FAM81A: variants seen among roughly 807,000 people sequenced by gnomAD.
The protein encoded by FAM81A is protein FAM81A.
FAM81A carries 19 observed loss-of-function variants against 46.7 expected under a neutral mutation model. That is an observed-to-expected ratio of 0.41 (90% confidence interval 0.28 to 0.60). FAM81A has a LOEUF of 0.60. Among genes scored for constraint, FAM81A ranks in the 20% least tolerant of loss-of-function variants. The pLI is 0.34. For synonymous variants in FAM81A, 183 were observed against 152.9 expected (o/e 1.20, Z -1.45); for missense variants, 377 against 453.5 (o/e 0.83, Z 1.53).
At chr15:59,450,043 C>T (rs542109540) in intron 1 of FAM81A, among the ~76,000 whole-genome samples, 2 of 150,640 alleles carry the variant, frequency 1.3e-5, no homozygotes, top group South Asian at 4.2e-4. Context: ...CCACCTCAGC[C>T]TCCTTGGTAG....
intron 5 of FAM81A, 107 bp downstream of exon 5, chr15:59,507,449 A>G (rs1226796598): frequency 3.6e-6 from 5 of 1,391,632 alleles, no homozygotes; most frequent in Non-Finnish European, 4.9e-6. Context: ...GGCATCTAGC[A>G]TGGGTTTATG....
intron 8 of FAM81A, among the ~76,000 whole-genome samples, chr15:59,519,507 T>C (rs1476253353): frequency 1.4e-5 from 2 of 142,386 alleles, no homozygotes; most frequent in Admixed American, 1.4e-4. Flanking sequence ...TCCTTCTCTC[T>C]TTCTCTCTTT....
chr15:59,507,255 G>A lies in FAM81A; in HGVS notation c.456G>A (p.Thr152=), dbSNP rs754609396. The A allele has an allele frequency of 6.8e-6, 11 of 1,611,578 alleles. No individual in the cohort carries two copies. Among genetic ancestry groups the A allele is most frequent in the Middle Eastern group, 1.6e-4 (1 of 6,082 alleles). ...CTAGACTTTCTGCAGAGCACAAAAC[G>A]ACCTATGAGGGGCTCCAGCACTTGA... ...SIARLSAEHK[T]TYEGLQHLNK... The change falls in exon 5 of 9, where the codon ACG becomes ACA. Residue 152 remains threonine, a synonymous_variant. Coordinates refer to ENST00000288228, the MANE Select transcript of FAM81A (RefSeq NM_152450.3).
At chr15:59,507,138 C>T in intron 4 of FAM81A, 75 bp from the exon 5 acceptor site, 1 of 1,509,216 alleles carries the variant, frequency 6.6e-7, no homozygotes, top group Non-Finnish European at 8.9e-7. Context: ...TTTTGCATTT[C>T]AGAGTGTATA....
chr15:59,453,089 T>G (rs1404054777), intron 1 of FAM81A, among the ~76,000 whole-genome samples: 1 of 152,156 alleles, frequency 6.6e-6, no homozygotes, highest in African/African-American at 2.4e-5. Context: ...AAAATAGATA[T>G]GTATTCTATC....
intron 1 of FAM81A, among the ~76,000 whole-genome samples, chr15:59,448,685 A>G (rs1474074659): frequency 6.6e-6 from 1 of 151,948 alleles, no homozygotes; most frequent in Non-Finnish European, 1.5e-5. Flanking sequence ...TTTTTTAGAG[A>G]CAAGATCTAG....
At chr15:59,433,333 C>A (rs1201840013), upstream of FAM81A, among the ~76,000 whole-genome samples, 1 of 151,648 alleles carries the variant, frequency 6.6e-6, no homozygotes, top group African/African-American at 2.4e-5. Flanking sequence ...ATGTTGAGGG[C>A]TCACTTGTAT....
In FAM81A at chr15:59,522,411, A is replaced by T. The variant is rs2082336743; in HGVS notation, c.*1033A>T. ...TCTGTATTTTTTAAATGTTCTAAAA[A>T]TTTTATCGCTGTTAAGGTATTAATC... is the stretch of plus-strand genomic sequence containing the variant. On this transcript the variant is annotated 3_prime_UTR_variant, in exon 9 of 9. Transcript: ENST00000288228. 6.6e-6 allele frequency: 1 copy of T among 152,654 alleles called. No individual in the cohort carries two copies. The highest frequency in any genetic ancestry group is 6.5e-5 in the Admixed American group (1 of 15,284). The allele number at this position is 152,654 out of a possible 1,614,324, so 9.5% of individuals were successfully genotyped here. A position where few individuals can be genotyped will look rare whatever the true frequency, so the allele number is the denominator to read the frequency against.
At chr15:59,502,257 G>A (rs1387464712) in intron 4 of FAM81A, among the ~76,000 whole-genome samples, 1 of 150,610 alleles carries the variant, frequency 6.6e-6, no homozygotes, top group Non-Finnish European at 1.5e-5. Context: ...ATGTATACAT[G>A]TGCCATGCTG....
At chr15:59,419,234 A>G (rs2081160176) in intron 2 of FAM81A, among the ~76,000 whole-genome samples, 3 of 152,210 alleles carry the variant, frequency 2.0e-5, no homozygotes, top group African/African-American at 7.2e-5. Context: ...TACAAAAACC[A>G]TCTCATTTAA....
intron 8 of FAM81A, among the ~76,000 whole-genome samples, chr15:59,517,571 C>A (rs891751963): frequency 2.0e-5 from 3 of 152,152 alleles, no homozygotes; most frequent in African/African-American, 7.2e-5. Flanking sequence ...GAACTAAATT[C>A]TCTCCTAGCT....
intron 6 of FAM81A, among the ~76,000 whole-genome samples, chr15:59,510,353 A>G (rs149373747): frequency 6.7e-5 from 10 of 149,150 alleles, no homozygotes; most frequent in Admixed American, 2.0e-4. Flanking sequence ...TGGGCAATAG[A>G]ATAGGACTCT....
chr15:59,434,871 G>C (rs905620008), upstream of FAM81A, among the ~76,000 whole-genome samples: 1 of 152,198 alleles, frequency 6.6e-6, no homozygotes, highest in African/African-American at 2.4e-5. Context: ...ACAAGCCCTT[G>C]ACCTCTACCT....
chr15:59,465,355 C>G (rs4775169), intron 3 of FAM81A, among the ~76,000 whole-genome samples: 118,340 of 152,160 alleles, frequency 0.78, 46,204 homozygotes, highest in East Asian at 0.85. Context: ...TCACGGCAAC[C>G]TCAGCCTCCC....
chr15:59,470,650 A>G (rs1174584104), intron 3 of FAM81A, among the ~76,000 whole-genome samples: 1 of 152,104 alleles, frequency 6.6e-6, no homozygotes, highest in Non-Finnish European at 1.5e-5. Context: ...GGGTTAGAAC[A>G]TGCTCCTTTA....
intron 3 of FAM81A, among the ~76,000 whole-genome samples, chr15:59,474,397 T>G (rs1596503411): frequency 6.6e-6 from 1 of 152,194 alleles, no homozygotes; most frequent in Non-Finnish European, 1.5e-5. Context: ...GAGGGTCTTC[T>G]TGCTGCATGC....
chr15:59,426,465 T>A (rs542319411), intron 2 of FAM81A, among the ~76,000 whole-genome samples: 48 of 152,172 alleles, frequency 3.2e-4, no homozygotes, highest in African/African-American at 1.1e-3. Flanking sequence ...AATACAAAAT[T>A]AGCCAGGCGT....
At chr15:59,402,899 T>C (rs1454637835) in intron 2 of FAM81A, among the ~76,000 whole-genome samples, 4 of 152,188 alleles carry the variant, frequency 2.6e-5, no homozygotes. Flanking sequence ...TAAATCATCT[T>C]CATAGGGGTC....
intron 1 of FAM81A, among the ~76,000 whole-genome samples, chr15:59,450,423 A>G (rs1216030484): frequency 1.3e-5 from 2 of 152,024 alleles, no homozygotes; most frequent in African/African-American, 4.8e-5. Context: ...GGATTTTTTA[A>G]TAGTAGAATT....
Sources: allele counts gnomAD v4.1 joint callset (sites outside exome capture counted in the v4.1 genomes callset), GRCh38; gene constraint gnomAD v4.1.1; transcripts MANE v1.5; gene names NCBI Gene and HGNC (gene_info 2026-07-23, HGNC 2026-07-21).